Variants in MARCHF8 observed in about 807,000 individuals in gnomAD.
MARCHF8 encodes the protein E3 ubiquitin-protein ligase MARCHF8.
In MARCHF8, 40 loss-of-function variants were observed where a neutral mutation model predicts 51.6. The ratio of observed to expected loss-of-function variants is 0.77; its 90% CI spans 0.60 to 1.01. The LOEUF (loss-of-function observed/expected upper bound fraction) is 1.01. Ranked by LOEUF, MARCHF8 falls within the 50% of genes least tolerant of loss-of-function variation. The probability of loss-of-function intolerance (pLI) is 0.00; values close to 1 mark genes in which losing one functional copy is unlikely to be tolerated. For synonymous variants in MARCHF8, 263 were observed against 280.3 expected (o/e 0.94, Z 0.62); for missense variants, 685 against 708.6 (o/e 0.97, Z 0.38).
chr10:45,460,931 G>A (rs1014764150), intron 6 of MARCHF8, among the ~76,000 whole-genome samples: 5 of 152,166 alleles, frequency 3.3e-5, no homozygotes, highest in Non-Finnish European at 7.4e-5. Context: ...ATAAAATTAG[G>A]TGCTAAGATA....
intron 2 of MARCHF8, among the ~76,000 whole-genome samples, chr10:45,516,489 A>T (rs776058681): frequency 4.0e-5 from 6 of 148,480 alleles, no homozygotes; most frequent in Non-Finnish European, 8.9e-5. Flanking sequence ...TGGGCCAGGC[A>T]CGGTGGCTCA....
intron 1 of MARCHF8, among the ~76,000 whole-genome samples, chr10:45,541,947 T>C (rs953739583): frequency 1.3e-5 from 2 of 152,216 alleles, no homozygotes; most frequent in African/African-American, 4.8e-5. Context: ...GGACATTGGG[T>C]ACACCAAGCT....
chr10:45,487,937 T>C (rs2043012609), intron 3 of MARCHF8, among the ~76,000 whole-genome samples: 1 of 152,086 alleles, frequency 6.6e-6, no homozygotes, highest in Admixed American at 6.6e-5. Context: ...TTTGGCCATA[T>C]GCCAAAAACA....
At chr10:45,541,649 T>A (rs1364859828) in intron 1 of MARCHF8, among the ~76,000 whole-genome samples, 6 of 151,140 alleles carry the variant, frequency 4.0e-5, no homozygotes, top group African/African-American at 1.5e-4. Context: ...AGAAAGAAAA[T>A]GTAATAATTT....
chr10:45,515,615 T>A (rs1051154371), intron 2 of MARCHF8, among the ~76,000 whole-genome samples: 1 of 152,196 alleles, frequency 6.6e-6, no homozygotes, highest in Non-Finnish European at 1.5e-5. Flanking sequence ...AAATAATGAT[T>A]TCTTCCAGTA....
In MARCHF8 at chr10:45,463,681, G is replaced by A. The variant is rs935168836; in HGVS notation, c.558C>T (p.Leu186=). Residue 186 remains leucine (L), a synonymous_variant, in exon 5 of 8, where the codon CTC becomes CTT. Transcript: ENST00000453424. ...TAGTTCTGAGACACGTATCTTGAGG[G>A]AGTATTAATTTCCCTTCAGAACAAG... ...ERTCSEGKLI[L]PQDTCLRTNR... is the part of the protein sequence containing the mutation. 4 of 1,550,720 alleles carry A rather than the reference G, an allele frequency of 2.6e-6. No individual in the cohort carries two copies. In the African/African-American group the frequency reaches 4.1e-5, roughly 16 times the overall value.
intron 3 of MARCHF8, among the ~76,000 whole-genome samples, chr10:45,482,586 A>G (rs1415513982): frequency 6.6e-6 from 1 of 152,052 alleles, no homozygotes; most frequent in Non-Finnish European, 1.5e-5. Flanking sequence ...AAACCCCATC[A>G]CTACTAAAAA....
chr10:45,499,555 T>G (rs1167718998), intron 2 of MARCHF8, among the ~76,000 whole-genome samples: 1 of 152,188 alleles, frequency 6.6e-6, no homozygotes, highest in Non-Finnish European at 1.5e-5. Context: ...CTTTTAAGAA[T>G]TTTATAGTTT....
intron 1 of MARCHF8, among the ~76,000 whole-genome samples, chr10:45,567,519 T>C (rs1002541213): frequency 1.3e-5 from 2 of 152,196 alleles, no homozygotes; most frequent in African/African-American, 2.4e-5. Context: ...CTCAGCACGA[T>C]TTATTGAAGA....
intron 3 of MARCHF8, among the ~76,000 whole-genome samples, chr10:45,467,644 C>T (rs1358420939): frequency 1.3e-5 from 2 of 152,038 alleles, no homozygotes; most frequent in Non-Finnish European, 2.9e-5. Flanking sequence ...CCAGCAATCC[C>T]CTCTTAGGAG....
At chr10:45,555,753 A>AAG (rs1554818962) in intron 1 of MARCHF8, among the ~76,000 whole-genome samples, 5 of 151,722 alleles carry the variant, frequency 3.3e-5, no homozygotes, top group African/African-American at 1.2e-4. Flanking sequence ...CAAAAAAAAA[A>AAG]AAAAAGAAAA....
chr10:45,495,406 T>TA (rs2043155152), intron 2 of MARCHF8, among the ~76,000 whole-genome samples: 3 of 152,176 alleles, frequency 2.0e-5, no homozygotes, highest in Admixed American at 6.5e-5. Context: ...CTGCATCTGT[T>TA]TATGTATTAA....
chr10:45,551,844 C>A (rs1480215438), intron 1 of MARCHF8, among the ~76,000 whole-genome samples: 1 of 151,466 alleles, frequency 6.6e-6, no homozygotes, highest in Non-Finnish European at 1.5e-5. Flanking sequence ...TATCTGTACA[C>A]ACACACACAC....
chr10:45,455,885 G>C lies in MARCHF8; in HGVS notation c.*2354C>G, dbSNP rs139209589. 4 of 152,430 alleles carry C rather than the reference G, an allele frequency of 2.6e-5. No homozygotes were observed. Among genetic ancestry groups the C allele is most frequent in the Admixed American group, 2.6e-4 (4 of 15,284 alleles). The allele number at this position is 152,430 out of a possible 1,614,324, so 9.4% of individuals were successfully genotyped here. ...GGAGAGGGCTTCCCATGAGAATCTG[G>C]CTGGGCATGGGAGGGATACAGGGCT... On this transcript the variant is annotated 3_prime_UTR_variant, in exon 8 of 8. Coordinates refer to ENST00000453424, the MANE Select transcript of MARCHF8 (RefSeq NM_001282866.2).
chr10:45,519,314 A>C (rs1293808214), intron 2 of MARCHF8, among the ~76,000 whole-genome samples: 2 of 152,228 alleles, frequency 1.3e-5, no homozygotes, highest in Non-Finnish European at 2.9e-5. Flanking sequence ...AATAAACGCC[A>C]TATCAGAGAT....
chr10:45,484,061 T>C (rs937537067), intron 3 of MARCHF8, among the ~76,000 whole-genome samples: 1 of 152,178 alleles, frequency 6.6e-6, no homozygotes, highest in Non-Finnish European at 1.5e-5. Context: ...GAGGTTTAAA[T>C]TGTTTCTGAC....
intron 3 of MARCHF8, among the ~76,000 whole-genome samples, chr10:45,471,655 G>A (rs778460887): frequency 6.6e-6 from 1 of 152,212 alleles, no homozygotes. Flanking sequence ...AGTGGCCAAA[G>A]CACTGGCTTT....
intron 3 of MARCHF8, among the ~76,000 whole-genome samples, chr10:45,470,356 GGCAGGCCACATGCATCTGCA>G (rs1432222293): frequency 6.6e-6 from 1 of 152,154 alleles, no homozygotes; most frequent in African/African-American, 2.4e-5. Flanking sequence ...CTCCACCTGG[GGCAGGCCACATGCATCTGCA>G]GTCACATGAC....
chr10:45,539,921 CA>C (rs1423011350), upstream of MARCHF8, among the ~76,000 whole-genome samples: 1 of 152,074 alleles, frequency 6.6e-6, no homozygotes, highest in Non-Finnish European at 1.5e-5. Flanking sequence ...GACAGAGAGC[CA>C]AATCATGAGT....
Sources: allele counts gnomAD v4.1 joint callset (sites outside exome capture counted in the v4.1 genomes callset), GRCh38; gene constraint gnomAD v4.1.1; transcripts MANE v1.5; gene names NCBI Gene and HGNC (gene_info 2026-07-23, HGNC 2026-07-21).